Variants in VEPH1 observed in about 807,000 individuals in gnomAD.
VEPH1 encodes the protein ventricular zone-expressed PH domain-containing protein homolog 1.
VEPH1 carries 80 observed loss-of-function variants against 85.2 expected under a neutral mutation model. The ratio of observed to expected loss-of-function variants is 0.94; its 90% confidence interval spans 0.78 to 1.13. VEPH1 has a LOEUF of 1.13. Ranked by LOEUF, VEPH1 falls within the 50% of genes most tolerant of loss-of-function variation. The pLI is 0.00. For missense variants in VEPH1, 955 were observed against 980.5 expected (o/e 0.97, Z 0.35); for synonymous variants, 297 against 348.0 (o/e 0.85, Z 1.63).
chr3:157,483,999 T>C (rs1372457232), intron 2 of VEPH1, among the ~76,000 whole-genome samples: 2 of 152,034 alleles, frequency 1.3e-5, no homozygotes, highest in African/African-American at 4.8e-5. Context: ...CAATAAGGAT[T>C]GAGTAGGAAT....
At position 157,418,936 on chromosome 3, in the gene VEPH1, C is replaced by T. The variant is rs562880829; in HGVS notation, c.697-4846G>A. 9.9e-5 allele frequency among the ~76,000 whole-genome samples: 15 copies of T among 152,228 alleles called. No homozygotes were observed. The East Asian group carries it at 1.4e-3, about 14-fold the overall frequency. ...TACTACCCAACTTCATACTAAACTACGAGGCTACAGTAACCAAAACGGCAG... is the reference window on the plus strand; with the variant it reads ...TACTACCCAACTTCATACTAAACTATGAGGCTACAGTAACCAAAACGGCAG... On this transcript the variant is annotated intron_variant, in intron 5 of 13. Coordinates refer to ENST00000362010, the MANE Select transcript of VEPH1 (RefSeq NM_001167912.2).
At chr3:157,299,171 G>A (rs906659261) in intron 11 of VEPH1, among the ~76,000 whole-genome samples, 12 of 152,156 alleles carry the variant, frequency 7.9e-5, no homozygotes, top group African/African-American at 2.9e-4. Context: ...TTCTAACATG[G>A]AAATTTATTA....
intron 11 of VEPH1, among the ~76,000 whole-genome samples, chr3:157,300,658 AAG>A (rs1244054445): frequency 6.6e-6 from 1 of 152,242 alleles, no homozygotes; most frequent in African/African-American, 2.4e-5. Context: ...ATTAAAAAGA[AAG>A]AGTAAAAAAC....
chr3:157,426,243 G>A (rs894778493), intron 5 of VEPH1, among the ~76,000 whole-genome samples: 1 of 152,196 alleles, frequency 6.6e-6, no homozygotes, highest in African/African-American at 2.4e-5. Context: ...GTTTCTGTCT[G>A]TGTATCCTCC....
intron 2 of VEPH1, among the ~76,000 whole-genome samples, chr3:157,486,917 A>G (rs1391052770): frequency 6.6e-6 from 1 of 152,170 alleles, no homozygotes; most frequent in Admixed American, 6.5e-5. Context: ...ACTAACTTCT[A>G]AATTACTTGT....
intron 9 of VEPH1, among the ~76,000 whole-genome samples, chr3:157,348,195 C>T (rs939476641): frequency 2.0e-5 from 3 of 152,062 alleles, no homozygotes; most frequent in East Asian, 1.9e-4. Flanking sequence ...TGTGTGCCTG[C>T]CCCCAAGCAG....
chr3:157,260,919 G>C lies in VEPH1; in HGVS notation c.*215C>G. The C allele has an allele frequency of 1.7e-6, 1 of 575,510 alleles. No homozygotes were observed. The highest frequency in any genetic ancestry group is 3.0e-6 in the Non-Finnish European group (1 of 338,152). The allele number at this position is 575,510 out of a possible 1,614,324, so 35.7% of individuals were successfully genotyped here. On this transcript the variant is annotated 3_prime_UTR_variant, in exon 14 of 14. Transcript: ENST00000362010. ...CTTTTATTTTATTTTATTTTTGTGG[G>C]CATCAGATATATTCTGAAGTCAATA...
chr3:157,314,809 G>A (rs1463735393), intron 10 of VEPH1, among the ~76,000 whole-genome samples: 1 of 151,924 alleles, frequency 6.6e-6, no homozygotes, highest in African/African-American at 2.4e-5. Context: ...GTAAGAATGT[G>A]AACATAAAGA....
intron 9 of VEPH1, among the ~76,000 whole-genome samples, chr3:157,325,724 G>T (rs1721826164): frequency 6.6e-6 from 1 of 152,166 alleles, no homozygotes; most frequent in Admixed American, 6.5e-5. Context: ...CAAGTACCAT[G>T]CTGTTTGGGT....
At chr3:157,455,161 A>T (rs992288252) in intron 4 of VEPH1, among the ~76,000 whole-genome samples, 2 of 152,186 alleles carry the variant, frequency 1.3e-5, no homozygotes, top group Admixed American at 6.5e-5. Flanking sequence ...TTCTTTGAGA[A>T]ATCACCAAAC....
At chr3:157,438,020 AGCGCGCGCGCGC>A (rs113324549) in intron 4 of VEPH1, 1 of 836,442 alleles carries the variant, frequency 1.2e-6, no homozygotes, top group Non-Finnish European at 1.7e-6. Flanking sequence ...TTTCATGGGA[AGCGCGCGCGCGC>A]GCGCGCACAC....
intron 4 of VEPH1, among the ~76,000 whole-genome samples, chr3:157,431,237 A>G (rs577378400): frequency 1.3e-5 from 2 of 152,242 alleles, no homozygotes; most frequent in South Asian, 4.1e-4. Context: ...CAGGATTGTA[A>G]GTTTCCTGAG....
At chr3:157,279,125 G>A (rs745471915) in intron 12 of VEPH1, among the ~76,000 whole-genome samples, 3 of 152,138 alleles carry the variant, frequency 2.0e-5, no homozygotes, top group Non-Finnish European at 4.4e-5. Context: ...GGCCAGGACC[G>A]CATATATAGA....
At chr3:157,418,757 C>G (rs1732110311) in intron 5 of VEPH1, among the ~76,000 whole-genome samples, 1 of 152,286 alleles carries the variant, frequency 6.6e-6, no homozygotes, top group Non-Finnish European at 1.5e-5. Context: ...GGCCATACTG[C>G]CCAAAACAAT....
chr3:157,402,960 C>T (rs1024704090), intron 6 of VEPH1, among the ~76,000 whole-genome samples: 1 of 152,142 alleles, frequency 6.6e-6, no homozygotes, highest in African/African-American at 2.4e-5. Context: ...GGCTTCAGCT[C>T]TGTTCATGTA....
chr3:157,356,681 G>A (rs1725478005), intron 9 of VEPH1, among the ~76,000 whole-genome samples: 1 of 152,028 alleles, frequency 6.6e-6, no homozygotes, highest in Non-Finnish European at 1.5e-5. Context: ...AAAAAATATG[G>A]ATTTACTCTG....
At chr3:157,412,647 T>C (rs1015917766) in intron 6 of VEPH1, among the ~76,000 whole-genome samples, 1 of 152,096 alleles carries the variant, frequency 6.6e-6, no homozygotes, top group Non-Finnish European at 1.5e-5. Flanking sequence ...CAGAGTGTGG[T>C]GAGGCATTCC....
chr3:157,353,557 C>T (rs757524812), intron 9 of VEPH1, among the ~76,000 whole-genome samples: 2 of 152,096 alleles, frequency 1.3e-5, no homozygotes, highest in African/African-American at 4.8e-5. Context: ...TGAGCCACTG[C>T]ACTCAGCCCC....
chr3:157,291,160 C>G (rs1036996490), intron 11 of VEPH1, among the ~76,000 whole-genome samples: 1 of 152,182 alleles, frequency 6.6e-6, no homozygotes, highest in Non-Finnish European at 1.5e-5. Context: ...AATAGGATCA[C>G]TCTAGGCACA....
Sources: gnomAD v4.1 joint callset for allele counts (sites outside exome capture counted in the v4.1 genomes callset) on GRCh38, gnomAD v4.1.1 for gene constraint, MANE v1.5 for transcripts, NCBI Gene and HGNC (gene_info 2026-07-23, HGNC 2026-07-21) for gene names.